Variants in ACSL4 observed in about 807,000 individuals in gnomAD.
The protein encoded by ACSL4 is long-chain-fatty-acid--CoA ligase 4.
A neutral mutation model predicts 49.1 loss-of-function variants in ACSL4; 9 were observed. The observed-to-expected ratio is 0.18, with a 90% confidence interval of 0.11 to 0.32. ACSL4 has a LOEUF of 0.32. Ranked by LOEUF, ACSL4 falls within the 10% of genes least tolerant of loss-of-function variation. ACSL4 has a pLI of 1.00. For synonymous variants in ACSL4, 191 were observed against 170.3 expected, an observed-to-expected ratio of 1.12 and a Z score of -0.95; for missense variants, 333 against 493.7, an observed-to-expected ratio of 0.67 and a Z score of 3.08.
At position 109,732,262 on chromosome X, in the gene ACSL4, C is replaced by T. The variant is rs142448667; in HGVS notation, c.-66+877G>A. Among the ~76,000 whole-genome samples, 881 of 111,464 alleles carry T rather than the reference C, an allele frequency of 7.9e-3. 9 individuals are homozygous for T. Among genetic ancestry groups the T allele is most frequent in the African/African-American group, 0.028 (845 of 30,611 alleles). ...TTGACCTTTTTTTAGGTGAAAAGAGCGAATAGAGCGTATTAATTTCAAGAG... is the reference window on the plus strand; with the variant it reads ...TTGACCTTTTTTTAGGTGAAAAGAGTGAATAGAGCGTATTAATTTCAAGAG... On this transcript the variant is annotated intron_variant, in intron 1 of 15. Coordinates refer to ENST00000672401, the MANE Select transcript of ACSL4 (RefSeq NM_001318510.2).
chrX:109,687,690 C>T (rs1164924580), intron 2 of ACSL4, among the ~76,000 whole-genome samples: 1 of 111,764 alleles, frequency 8.9e-6, no homozygotes, highest in African/African-American at 3.3e-5. Context: ...CAAACCTGCA[C>T]GTTCTGCACA....
At chrX:109,647,104 G>C (rs921117605) in intron 15 of ACSL4, among the ~76,000 whole-genome samples, 2 of 110,962 alleles carry the variant, frequency 1.8e-5, no homozygotes, top group African/African-American at 6.6e-5. Context: ...GTCAACATTA[G>C]ACAGATCAAC....
At chrX:109,664,827 C>T (rs1296841632) in intron 12 of ACSL4, among the ~76,000 whole-genome samples, 3 of 111,705 alleles carry the variant, frequency 2.7e-5, no homozygotes, top group Non-Finnish European at 5.7e-5. Context: ...TAACAATCTA[C>T]TTTATTGTAG....
intron 15 of ACSL4, among the ~76,000 whole-genome samples, chrX:109,655,596 C>A (rs993333111): frequency 1.1e-4 from 12 of 110,917 alleles, no homozygotes; most frequent in African/African-American, 4.0e-4. Context: ...GGGAAAAAAA[C>A]AAATGAACAA....
intron 9 of ACSL4, 117 bp downstream of exon 9, chrX:109,674,285 G>A: frequency 3.1e-6 from 2 of 640,205 alleles, no homozygotes; most frequent in Admixed American, 2.7e-5. Flanking sequence ...TTTCAACAAG[G>A]TAAAATTATT....
At chrX:109,731,229 TTA>T (rs1382519771) in intron 1 of ACSL4, among the ~76,000 whole-genome samples, 3 of 110,784 alleles carry the variant, frequency 2.7e-5, no homozygotes, top group Non-Finnish European at 5.7e-5. Flanking sequence ...GCAAATTGCA[TTA>T]TATGTGTGTG....
chrX:109,679,722 T>TATC (rs1924022958), intron 6 of ACSL4, among the ~76,000 whole-genome samples: 1 of 112,405 alleles, frequency 8.9e-6, no homozygotes, highest in African/African-American at 3.2e-5. Context: ...ATATGTATCC[T>TATC]ATCTATTGCA....
intron 15 of ACSL4, among the ~76,000 whole-genome samples, chrX:109,644,700 C>A (rs988538790): frequency 8.0e-5 from 9 of 112,556 alleles, no homozygotes; most frequent in African/African-American, 1.9e-4. Flanking sequence ...ATACGAACAG[C>A]TCTGGTCTAC....
chrX:109,711,918 T>C (rs1926774422), intron 1 of ACSL4, among the ~76,000 whole-genome samples: 1 of 111,873 alleles, frequency 8.9e-6, no homozygotes, highest in South Asian at 3.7e-4. Context: ...CAGTAGGTGC[T>C]GGATAAATAT....
chrX:109,732,687 C>T (rs747130210), intron 1 of ACSL4, among the ~76,000 whole-genome samples: 21 of 111,718 alleles, frequency 1.9e-4, no homozygotes, highest in African/African-American at 6.8e-4. Flanking sequence ...GCTAGAGAGG[C>T]TCCCTAGCCC....
intron 6 of ACSL4, among the ~76,000 whole-genome samples, chrX:109,679,112 C>T (rs1923965597): frequency 1.8e-5 from 2 of 111,914 alleles, no homozygotes; most frequent in Admixed American, 9.5e-5. Context: ...TATTTCTGAA[C>T]CCCCTTTCTG....
At chrX:109,668,467 G>A (rs1030227199) in intron 10 of ACSL4, among the ~76,000 whole-genome samples, 194 bp from the exon 11 acceptor site, 1 of 111,591 alleles carries the variant, frequency 9.0e-6, no homozygotes, top group African/African-American at 3.3e-5. Context: ...CTTTAAAAAT[G>A]AAGAAAGATA....
intron 15 of ACSL4, among the ~76,000 whole-genome samples, chrX:109,653,156 A>G (rs1921297694): frequency 9.0e-6 from 1 of 111,517 alleles, no homozygotes; most frequent in Non-Finnish European, 1.9e-5. Flanking sequence ...TGAGGAAAAA[A>G]GTCTTTAAAA....
rs1344337124 is a variant in ACSL4, at chrX:109,642,662, G to A, written c.*1367C>T. 1 of 111,011 alleles carries A rather than the reference G, an allele frequency of 9.0e-6. No individual in the cohort carries two copies. Among genetic ancestry groups the A allele is most frequent in the Non-Finnish European group, 1.9e-5 (1 of 52,849 alleles). 9.1% of individuals were successfully genotyped at this position (111,011 alleles called of 1,213,427 possible). ...AAGAATAACAGTATTAAGATTTTTT[G>A]CATTTTACAGTAACTATGGTTCAAG... On this transcript the variant is annotated 3_prime_UTR_variant, in exon 16 of 16. Transcript: ENST00000672401.
intron 1 of ACSL4, among the ~76,000 whole-genome samples, chrX:109,724,911 C>CAAT (rs1173582901): frequency 4.7e-5 from 5 of 106,878 alleles, no homozygotes; most frequent in African/African-American, 6.8e-5. Flanking sequence ...GATTCCGTCT[C>CAAT]AATAATAATA....
chrX:109,681,256 T>G lies in ACSL4; in HGVS notation c.516+10A>C. On this transcript the variant is annotated intron_variant, in intron 5 of 15. Coordinates refer to ENST00000672401, the MANE Select transcript of ACSL4 (RefSeq NM_001318510.2). The stretch of plus-strand genomic sequence containing the variant: ...CGCAACCATGAATTAAAAGAAAATT[T>G]CATATTTACCTTAAGTTTACTTTCC... The G allele has an allele frequency of 8.3e-7, 1 of 1,203,677 alleles. No individual in the cohort carries two copies. The highest frequency in any genetic ancestry group is 1.1e-6 in the Non-Finnish European group (1 of 888,273).
At chrX:109,701,735 G>A (rs1425465384) in intron 1 of ACSL4, among the ~76,000 whole-genome samples, 22 of 96,518 alleles carry the variant, frequency 2.3e-4, no homozygotes, top group Non-Finnish European at 1.6e-4. Context: ...TAGTAGAGAT[G>A]GGGTTTCACT....
intron 9 of ACSL4, 55 bp from the exon 10 acceptor site, chrX:109,669,228 T>C (rs1922951943): frequency 2.1e-6 from 2 of 962,329 alleles, no homozygotes; most frequent in East Asian, 3.1e-5. Context: ...CAGTCTTTAG[T>C]TGAAGATACC....
intron 1 of ACSL4, among the ~76,000 whole-genome samples, chrX:109,723,885 CCAATCTGT>C (rs1927752820): frequency 8.9e-6 from 1 of 112,380 alleles, no homozygotes; most frequent in Non-Finnish European, 1.9e-5. Flanking sequence ...TAAGTTCTTG[CCAATCTGT>C]CTGGTGAAAA....
Sources: gnomAD v4.1 joint callset for allele counts (sites outside exome capture counted in the v4.1 genomes callset) on GRCh38, gnomAD v4.1.1 for gene constraint, MANE v1.5 for transcripts, NCBI Gene and HGNC (gene_info 2026-07-23, HGNC 2026-07-21) for gene names.